Variants in PIK3C2A observed in about 807,000 individuals in gnomAD.
PIK3C2A encodes the protein phosphatidylinositol-4-phosphate 3-kinase catalytic subunit type 2 alpha.
A neutral mutation model predicts 204.5 loss-of-function variants in PIK3C2A; 97 were observed. The observed-to-expected ratio is 0.47, with a 90% confidence interval of 0.40 to 0.56. The LOEUF (loss-of-function observed/expected upper bound fraction) is 0.56. Ranked by LOEUF, PIK3C2A falls within the 20% of genes least tolerant of loss-of-function variation. PIK3C2A has a pLI of 0.00. For synonymous variants in PIK3C2A, 653 were observed against 664.4 expected (o/e 0.98, Z 0.26); for missense variants, 1,735 against 1,969.2 (o/e 0.88, Z 2.25).
intron 24 of PIK3C2A, 35 bp from the exon 25 acceptor site, chr11:17,101,469 T>C (rs1343006464): frequency 8.0e-6 from 10 of 1,256,120 alleles, no homozygotes; most frequent in African/African-American, 1.5e-5. Flanking sequence ...AAATATTATT[T>C]ACAGAAGATA....
chr11:17,094,119 A>G, intron 28 of PIK3C2A, 142 bp downstream of exon 28: 2 of 560,374 alleles, frequency 3.6e-6, no homozygotes, highest in Non-Finnish European at 6.2e-6. Context: ...CTGCTTTTGT[A>G]TTAGGTCTTT....
intron 2 of PIK3C2A, among the ~76,000 whole-genome samples, chr11:17,167,768 T>TC (rs1472972854): frequency 6.6e-6 from 1 of 152,216 alleles, no homozygotes; most frequent in Non-Finnish European, 1.5e-5. Context: ...TAGCTGAATA[T>TC]TAATTCACGT....
At position 17,091,303 on chromosome 11, in the gene PIK3C2A, A is replaced by G. The variant is rs774735533; in HGVS notation, c.4878+31T>C. The G allele has an allele frequency of 7.0e-6, 11 of 1,579,992 alleles. No homozygotes were observed. In the East Asian group the frequency reaches 2.0e-4, roughly 29 times the overall value. On this transcript the variant is annotated intron_variant, in intron 32 of 32. Coordinates refer to ENST00000691414, the MANE Select transcript of PIK3C2A (RefSeq NM_002645.4). ...ATGAAAATTAAAAAAATAATAAACC[A>G]AGGAAACTTCTAGAAATGATTTTAA...
chr11:17,097,513 T>C (rs1004584334), intron 26 of PIK3C2A, among the ~76,000 whole-genome samples: 3 of 152,166 alleles, frequency 2.0e-5, no homozygotes, highest in Non-Finnish European at 2.9e-5. Context: ...CAAGACTAAT[T>C]AAAGAGCTAT....
intron 21 of PIK3C2A, 126 bp downstream of exon 21, chr11:17,112,448 G>A (rs1169680142): frequency 2.4e-6 from 1 of 422,602 alleles, no homozygotes; most frequent in Non-Finnish European, 4.2e-6. Flanking sequence ...ACAAGACCCT[G>A]TGTAAAAATA....
chr11:17,122,835 A>C, intron 13 of PIK3C2A, 22 bp from the exon 14 acceptor site: 1 of 961,972 alleles, frequency 1.0e-6, no homozygotes. Context: ...TAAAAATAAT[A>C]ATGTGATTTT....
At chr11:17,171,921 ATTT>A (rs951329705) in intron 1 of PIK3C2A, among the ~76,000 whole-genome samples, 1 of 152,072 alleles carries the variant, frequency 6.6e-6, no homozygotes, top group Non-Finnish European at 1.5e-5. Context: ...TTTGAAATGC[ATTT>A]TTTTTAAAAG....
rs999973376 is a variant in PIK3C2A at position 17,101,533 on chromosome 11, T to C, written c.3852-99A>G. 7.8e-6 allele frequency: 4 copies of C among 513,892 alleles called. No individual in the cohort carries two copies. In the Admixed American group the frequency reaches 1.5e-4, roughly 19 times the overall value. 31.8% of individuals were successfully genotyped at this position (513,892 alleles called of 1,614,324 possible). ...AACTAAGCTATCTGAGGTACAGCCA[T>C]TTCCAACTAGGAAACTTAATACCAC... On this transcript the variant is annotated intron_variant, in intron 24 of 32. Transcript: ENST00000691414.
intron 22 of PIK3C2A, among the ~76,000 whole-genome samples, chr11:17,107,761 A>G (rs755050939): frequency 6.6e-6 from 1 of 152,254 alleles, no homozygotes. Context: ...GGATTGGAGG[A>G]AACAGAAGTT....
At chr11:17,155,719 AT>A in intron 2 of PIK3C2A, 90 bp from the exon 3 acceptor site, 1 of 670,498 alleles carries the variant, frequency 1.5e-6, no homozygotes, top group Non-Finnish European at 2.7e-6. Flanking sequence ...TTATGAAAAT[AT>A]GTACAAAGCA....
chr11:17,141,973 T>C (rs1325867011), intron 8 of PIK3C2A, among the ~76,000 whole-genome samples: 1 of 152,192 alleles, frequency 6.6e-6, no homozygotes, highest in Non-Finnish European at 1.5e-5. Flanking sequence ...TTGCCATTTA[T>C]TAAAAAGGGA....
chr11:17,102,259 AC>A (rs1234252556), intron 24 of PIK3C2A, among the ~76,000 whole-genome samples: 26 of 151,916 alleles, frequency 1.7e-4, no homozygotes, highest in African/African-American at 6.0e-4. Flanking sequence ...ACACGGTGAA[AC>A]CCCGTCTCTA....
intron 1 of PIK3C2A, among the ~76,000 whole-genome samples, chr11:17,172,628 A>C (rs1002291669): frequency 6.6e-6 from 1 of 152,252 alleles, no homozygotes; most frequent in African/African-American, 2.4e-5. Flanking sequence ...TTTACTATTT[A>C]GCAACAAACT....
rs542821267 is a variant in PIK3C2A, at chr11:17,189,991, G to A, written c.-66+17857C>T. 2.6e-5 allele frequency among the ~76,000 whole-genome samples: 4 copies of A among 152,112 alleles called. No individual in the cohort carries two copies. The South Asian group carries it at 6.2e-4, about 24-fold the overall frequency. ...ATTAAATAGTAAGTTTAGGCTGGGC[G>A]TGGTGGCTCAGGCCTGTAATCCCAG... is the stretch of plus-strand genomic sequence containing the variant. On this transcript the variant is annotated intron_variant, in intron 1 of 32. Transcript: ENST00000691414.
At chr11:17,162,419 T>C (rs1406220578) in intron 2 of PIK3C2A, among the ~76,000 whole-genome samples, 3 of 152,044 alleles carry the variant, frequency 2.0e-5, no homozygotes, top group African/African-American at 7.3e-5. Context: ...TAAGTCAATG[T>C]CTCAAATAAT....
At chr11:17,122,920 A>G (rs1042926804) in intron 13 of PIK3C2A, 107 bp from the exon 14 acceptor site, 2 of 595,264 alleles carry the variant, frequency 3.4e-6, no homozygotes, top group Non-Finnish European at 5.9e-6. Context: ...AACTAAATAA[A>G]AAGGATATCT....
chr11:17,187,502 C>T (rs72860760), intron 1 of PIK3C2A, among the ~76,000 whole-genome samples: 1,975 of 152,242 alleles, frequency 0.013, 14 homozygotes, highest in South Asian at 0.023. Context: ...ACTTTCATCA[C>T]CCCATAAAGA....
intron 1 of PIK3C2A, among the ~76,000 whole-genome samples, chr11:17,191,013 T>C (rs1331555384): frequency 6.6e-6 from 1 of 152,160 alleles, no homozygotes; most frequent in African/African-American, 2.4e-5. Context: ...GATAAAAATA[T>C]ACTAGAGGAT....
At chr11:17,154,896 G>A (rs978083297) in intron 3 of PIK3C2A, among the ~76,000 whole-genome samples, 1 of 152,106 alleles carries the variant, frequency 6.6e-6, no homozygotes, top group African/African-American at 2.4e-5. Flanking sequence ...TGGGTTTCTA[G>A]CACTCGTAAC....
Sources: allele counts gnomAD v4.1 joint callset (sites outside exome capture counted in the v4.1 genomes callset), GRCh38; gene constraint gnomAD v4.1.1; transcripts MANE v1.5; gene names NCBI Gene and HGNC (gene_info 2026-07-23, HGNC 2026-07-21).